Variants in TRIO observed in about 807,000 individuals in gnomAD.
TRIO encodes the protein triple functional domain protein.
A neutral mutation model predicts 351.9 loss-of-function variants in TRIO; 58 were observed. The observed-to-expected ratio is 0.16, with a 90% CI of 0.13 to 0.21. The LOEUF is 0.21. Among genes scored for constraint, TRIO ranks in the 10% least tolerant of loss-of-function variants. TRIO has a pLI of 1.00. For synonymous variants in TRIO, 1,758 were observed against 1,595.7 expected, an observed-to-expected ratio of 1.10 and a Z score of -2.42; for missense variants, 3,201 against 4,027.8, an observed-to-expected ratio of 0.79 and a Z score of 5.56.
intron 7 of TRIO, among the ~76,000 whole-genome samples, chr5:14,302,129 T>C (rs1737954761): frequency 6.6e-6 from 1 of 152,152 alleles, no homozygotes; most frequent in Admixed American, 6.5e-5. Context: ...TTCTTGAATG[T>C]TTTTTCTTTA....
At chr5:14,373,345 G>A (rs1206411964) in intron 18 of TRIO, among the ~76,000 whole-genome samples, 3 of 152,156 alleles carry the variant, frequency 2.0e-5, no homozygotes, top group African/African-American at 7.2e-5. Flanking sequence ...TACTGAAAAA[G>A]TCTGGAAACA....
rs550734788 is a variant in TRIO at position 14,145,181 on chromosome 5, C to G, written c.157+1299C>G. 1.2e-4 allele frequency among the ~76,000 whole-genome samples: 19 copies of G among 152,336 alleles called. No individual in the cohort carries two copies. In the South Asian group the frequency reaches 3.7e-3, roughly 30 times the overall value. On this transcript the variant is annotated intron_variant, in intron 1 of 56. Transcript: ENST00000344204. ...GTGGCCTCTTTGAAAATCACCTCCC[C>G]AGATTCGGTGAGATCAGTTCCCCAA...
At chr5:14,342,161 G>A (rs1296605614) in intron 11 of TRIO, among the ~76,000 whole-genome samples, 1 of 151,838 alleles carries the variant, frequency 6.6e-6, no homozygotes, top group Middle Eastern at 3.2e-3. Context: ...GCCGGGGGAG[G>A]GTTCCTGGGA....
At chr5:14,228,674 C>T (rs1338657981) in intron 1 of TRIO, among the ~76,000 whole-genome samples, 2 of 152,168 alleles carry the variant, frequency 1.3e-5, no homozygotes, top group East Asian at 3.8e-4. Context: ...TTGATATCTG[C>T]TTTATCACCA....
At chr5:14,277,579 T>TGA (rs1361813620) in intron 2 of TRIO, among the ~76,000 whole-genome samples, 1 of 152,218 alleles carries the variant, frequency 6.6e-6, no homozygotes, top group African/African-American at 2.4e-5. Context: ...CACACACACA[T>TGA]GAGTGTATCT....
chr5:14,210,732 G>A (rs779287235), intron 1 of TRIO, among the ~76,000 whole-genome samples: 5 of 152,056 alleles, frequency 3.3e-5, no homozygotes, highest in African/African-American at 7.2e-5. Context: ...TTATTGTAGC[G>A]GTATGTTTTT....
intron 47 of TRIO, 85 bp downstream of exon 47, chr5:14,485,331 T>C (rs141259654): frequency 2.8e-6 from 4 of 1,405,086 alleles, no homozygotes; most frequent in Non-Finnish European, 3.8e-6. Context: ...TTCATATCCA[T>C]AGTAATGACA....
At chr5:14,251,363 A>G (rs1223536741) in intron 1 of TRIO, among the ~76,000 whole-genome samples, 1 of 152,244 alleles carries the variant, frequency 6.6e-6, no homozygotes, top group Non-Finnish European at 1.5e-5. Flanking sequence ...ACTCACGGGC[A>G]GCACGTAACC....
At chr5:14,462,254 C>G (rs992144152) in intron 35 of TRIO, among the ~76,000 whole-genome samples, 1 of 152,158 alleles carries the variant, frequency 6.6e-6, no homozygotes, top group Non-Finnish European at 1.5e-5. Flanking sequence ...CCTCTGTCCT[C>G]TTAGGAAAAC....
chr5:14,405,857 A>T lies in TRIO; in HGVS notation c.4726A>T (p.Ile1576Leu). The T allele has an allele frequency of 1.9e-6, 3 of 1,613,996 alleles. No homozygotes were observed. Among genetic ancestry groups the T allele is most frequent in the Non-Finnish European group, 2.5e-6 (3 of 1,179,950 alleles). Reference sequence around the variant, plus strand: ...CTAACACCTTGTTAAGGCTTCCAGCATAGAGAACAAGCAGGACTGGATAAA... The same window carrying T: ...CTAACACCTTGTTAAGGCTTCCAGCTTAGAGAACAAGCAGGACTGGATAAA... ...DNKIVLKASS[I>L]ENKQDWIKHI... The change falls in exon 32 of 57, where the codon ATA (isoleucine) becomes TTA (leucine). Residue 1576 changes from isoleucine (I) to leucine (L), a missense_variant. Ile to Leu is a conservative substitution (Grantham distance 5). Coordinates refer to ENST00000344204, the MANE Select transcript of TRIO (RefSeq NM_007118.4).
At chr5:14,363,695 T>A (rs2152340529) in intron 13 of TRIO, 37 bp from the exon 14 acceptor site, 1 of 1,593,448 alleles carries the variant, frequency 6.3e-7, no homozygotes, top group East Asian at 2.2e-5. Flanking sequence ...GCTGCATGTA[T>A]ATTTTTTTTG....
intron 19 of TRIO, among the ~76,000 whole-genome samples, chr5:14,375,792 A>G (rs13188746): frequency 0.24 from 36,083 of 152,198 alleles, 4,936 homozygotes; most frequent in Middle Eastern, 0.36. Flanking sequence ...AGGAGACTAG[A>G]AAAAATGCGT....
chr5:14,336,595 G>A lies in TRIO; in HGVS notation c.1914G>A (p.Gly638=), dbSNP rs1741440469. Residue 638 remains glycine, a synonymous_variant, in exon 11 of 57, where the codon GGG becomes GGA. Coordinates refer to ENST00000344204, the MANE Select transcript of TRIO (RefSeq NM_007118.4). ...CAGCAGAACAGCTGGCTCAGACTGG[G>A]GAATGTGACCCCGAAGAGATTTATC... is the stretch of plus-strand genomic sequence containing the variant. ...LEAAEQLAQT[G]ECDPEEIYQA... 2 of 1,614,182 alleles carry A rather than the reference G, an allele frequency of 1.2e-6. No homozygotes were observed. Among genetic ancestry groups the A allele is most frequent in the South Asian group, 1.1e-5 (1 of 91,082 alleles).
chr5:14,333,885 G>A (rs1160098910), intron 10 of TRIO, among the ~76,000 whole-genome samples: 1 of 152,146 alleles, frequency 6.6e-6, no homozygotes, highest in African/African-American at 2.4e-5. Context: ...ATCAGAAAAC[G>A]GCTCTAGCAT....
intron 1 of TRIO, among the ~76,000 whole-genome samples, chr5:14,245,256 G>T (rs1195535477): frequency 6.6e-6 from 1 of 152,140 alleles, no homozygotes; most frequent in Non-Finnish European, 1.5e-5. Flanking sequence ...GAAAATGCTG[G>T]CACAGTTTCT....
At chr5:14,159,783 T>A (rs12656138) in intron 1 of TRIO, among the ~76,000 whole-genome samples, 2 of 152,136 alleles carry the variant, frequency 1.3e-5, no homozygotes, top group South Asian at 4.2e-4. Context: ...GCCAGGATGG[T>A]CTCCATCTCT....
At chr5:14,246,585 TG>T (rs1269837647) in intron 1 of TRIO, among the ~76,000 whole-genome samples, 2 of 152,174 alleles carry the variant, frequency 1.3e-5, no homozygotes, top group Non-Finnish European at 2.9e-5. Context: ...TTTCACCCAC[TG>T]GAAGCCCTCT....
chr5:14,429,648 G>T (rs1750930827), intron 34 of TRIO, among the ~76,000 whole-genome samples: 1 of 152,108 alleles, frequency 6.6e-6, no homozygotes, highest in Non-Finnish European at 1.5e-5. Flanking sequence ...ATAAGAGAAA[G>T]AAAAATTTTA....
chr5:14,507,020 A>G, intron 55 of TRIO, 102 bp from the exon 56 acceptor site: 1 of 1,426,014 alleles, frequency 7.0e-7, no homozygotes, highest in African/African-American at 1.4e-5. Context: ...CCGATGACAC[A>G]TTCATAACAG....
Sources: allele counts gnomAD v4.1 joint callset (sites outside exome capture counted in the v4.1 genomes callset), GRCh38; gene constraint gnomAD v4.1.1; transcripts MANE v1.5; gene names NCBI Gene and HGNC (gene_info 2026-07-23, HGNC 2026-07-21).